The following CNTN4 variants were observed in gnomAD, a reference collection of about 807,000 sequenced individuals.
The protein encoded by CNTN4 is contactin-4.
CNTN4 carries 77 observed loss-of-function variants against 122.5 expected under a neutral mutation model. That is an observed-to-expected ratio of 0.63 (90% confidence interval 0.52 to 0.76). The LOEUF (loss-of-function observed/expected upper bound fraction) is 0.76. Ranked by LOEUF, CNTN4 falls within the 30% of genes least tolerant of loss-of-function variation. The pLI, the probability that CNTN4 is intolerant of heterozygous loss-of-function variation, is 0.00. For missense variants in CNTN4, 1,256 were observed against 1,259.1 expected, an observed-to-expected ratio of 1.00 and a Z score of 0.04; for synonymous variants, 512 against 447.0, an observed-to-expected ratio of 1.15 and a Z score of -1.83.
At chr3:2,862,258 C>A (rs2093678677) in intron 7 of CNTN4, among the ~76,000 whole-genome samples, 1 of 152,168 alleles carries the variant, frequency 6.6e-6, no homozygotes, top group South Asian at 2.1e-4. Flanking sequence ...AAAGAGCAAC[C>A]ATCCAGAGAA....
chr3:2,305,267 C>T (rs954827288), intron 2 of CNTN4, among the ~76,000 whole-genome samples: 2 of 152,076 alleles, frequency 1.3e-5, no homozygotes, highest in African/African-American at 4.8e-5. Context: ...AGAGAATGCC[C>T]TCAGTTCAAA....
rs148027302 is a variant in CNTN4, at chr3:2,657,233, C to T, written c.56-78982C>T. On this transcript the variant is annotated intron_variant, in intron 4 of 24. Coordinates refer to ENST00000418658, the MANE Select transcript of CNTN4 (RefSeq NM_175607.3). ...ACTAAATAAAAATGACCTCTAGCTT[C>T]GAGGCACTTATTGGAAACCTATTTT... is the stretch of plus-strand genomic sequence containing the variant. 2.9e-3 allele frequency among the ~76,000 whole-genome samples: 447 copies of T among 152,222 alleles called. 4 individuals are homozygous for T. Among genetic ancestry groups the T allele is most frequent in the African/African-American group, 0.01 (435 of 41,524 alleles).
chr3:2,729,889 G>A (rs2149451268), intron 4 of CNTN4, among the ~76,000 whole-genome samples: 1 of 152,308 alleles, frequency 6.6e-6, no homozygotes, highest in South Asian at 2.1e-4. Flanking sequence ...ACTCCAGCCT[G>A]AGTGACAGAG....
At chr3:2,697,227 G>C (rs1272660618) in intron 4 of CNTN4, among the ~76,000 whole-genome samples, 2 of 152,230 alleles carry the variant, frequency 1.3e-5, no homozygotes, top group Non-Finnish European at 2.9e-5. Context: ...AGAGCCTGTA[G>C]TATTGAGTAC....
intron 3 of CNTN4, among the ~76,000 whole-genome samples, chr3:2,543,808 T>C (rs1251174007): frequency 1.3e-5 from 2 of 152,116 alleles, no homozygotes; most frequent in East Asian, 1.9e-4. Flanking sequence ...TATTATACAT[T>C]GAGTATTTAA....
At chr3:3,003,970 G>A (rs1574787041) in intron 14 of CNTN4, among the ~76,000 whole-genome samples, 1 of 152,138 alleles carries the variant, frequency 6.6e-6, no homozygotes, top group South Asian at 2.1e-4. Context: ...ATATTGCCCA[G>A]GCTAGTCTAG....
intron 3 of CNTN4, among the ~76,000 whole-genome samples, chr3:2,558,640 C>T (rs1193043045): frequency 6.6e-6 from 1 of 152,108 alleles, no homozygotes; most frequent in Non-Finnish European, 1.5e-5. Context: ...GTTTTCCCAG[C>T]ATGATATTAG....
In CNTN4 at chr3:2,270,887, G is replaced by T. The variant is rs1464014605; in HGVS notation, c.-144-68291G>T. 2.6e-5 allele frequency among the ~76,000 whole-genome samples: 4 copies of T among 152,108 alleles called. 1 individual carries two copies. Among genetic ancestry groups the T allele is most frequent in the Admixed American group, 2.0e-4 (3 of 15,256 alleles). On this transcript the variant is annotated intron_variant, in intron 2 of 24. Transcript: ENST00000418658. ...ATGCAAATCAATAATCATTACCTAT[G>T]TGAAGTGTTAGTTCACAGGCGTGCA...
At chr3:2,361,997 A>G (rs929351254) in intron 3 of CNTN4, among the ~76,000 whole-genome samples, 7 of 152,214 alleles carry the variant, frequency 4.6e-5, no homozygotes, top group Non-Finnish European at 8.8e-5. Flanking sequence ...GGTCTAGGAA[A>G]AGTTCCATTT....
At chr3:2,227,895 T>C (rs2039345129) in intron 2 of CNTN4, among the ~76,000 whole-genome samples, 1 of 152,160 alleles carries the variant, frequency 6.6e-6, no homozygotes. Flanking sequence ...ATAAGCAATA[T>C]GTTTAACAAA....
At chr3:2,595,781 G>T (rs2080740315) in intron 4 of CNTN4, among the ~76,000 whole-genome samples, 1 of 152,104 alleles carries the variant, frequency 6.6e-6, no homozygotes. Context: ...TTTTGAGTCA[G>T]TCCTGCTCAT....
In CNTN4 at chr3:2,895,859, C is replaced by A. The variant is rs542848662; in HGVS notation, c.941-4826C>A. On this transcript the variant is annotated intron_variant, in intron 10 of 24. Coordinates refer to ENST00000418658, the MANE Select transcript of CNTN4 (RefSeq NM_175607.3). ...ACCATCCTGGCTAACAGGGTGAAAC[C>A]CCGTCTCTACTAAAAATACAAAAAT... is the stretch of plus-strand genomic sequence containing the variant. Among the ~76,000 whole-genome samples, 27 of 152,248 alleles carry A rather than the reference C, an allele frequency of 1.8e-4. No individual in the cohort carries two copies. In the South Asian group the frequency reaches 5.6e-3, roughly 32 times the overall value.
At chr3:2,608,399 G>T (rs1310690601) in intron 4 of CNTN4, among the ~76,000 whole-genome samples, 1 of 152,172 alleles carries the variant, frequency 6.6e-6, no homozygotes, top group African/African-American at 2.4e-5. Flanking sequence ...ATTTGAAGCT[G>T]CAGTGAACTA....
chr3:2,106,374 C>T (rs2032442423), intron 2 of CNTN4, among the ~76,000 whole-genome samples: 2 of 152,218 alleles, frequency 1.3e-5, no homozygotes, highest in African/African-American at 4.8e-5. Flanking sequence ...CCCTTCATCA[C>T]ACCTCTTGCC....
chr3:2,628,222 G>A (rs1425899859), intron 4 of CNTN4, among the ~76,000 whole-genome samples: 2 of 152,186 alleles, frequency 1.3e-5, no homozygotes, highest in Non-Finnish European at 2.9e-5. Context: ...TTTAGCAGAA[G>A]TTATTTTTTC....
At chr3:2,966,651 A>G (rs1231994604) in intron 13 of CNTN4, among the ~76,000 whole-genome samples, 1 of 152,226 alleles carries the variant, frequency 6.6e-6, no homozygotes, top group Non-Finnish European at 1.5e-5. Flanking sequence ...ATACAAAGAA[A>G]TGATAAATGA....
At chr3:2,568,145 A>G (rs2079256922) in intron 3 of CNTN4, among the ~76,000 whole-genome samples, 1 of 152,026 alleles carries the variant, frequency 6.6e-6, no homozygotes. Context: ...AGTGTTCAAA[A>G]CAAATAAATA....
chr3:2,416,960 C>G (rs766524105), intron 3 of CNTN4, among the ~76,000 whole-genome samples: 9 of 152,114 alleles, frequency 5.9e-5, no homozygotes, highest in Admixed American at 5.2e-4. Context: ...GGCCCAGTGT[C>G]GCAACTTTCT....
At chr3:2,621,120 T>C (rs2081971794) in intron 4 of CNTN4, among the ~76,000 whole-genome samples, 1 of 151,344 alleles carries the variant, frequency 6.6e-6, no homozygotes, top group African/African-American at 2.4e-5. Context: ...AATCTTGGCA[T>C]GTTCGTGGAC....
Sources: allele counts gnomAD v4.1 joint callset (sites outside exome capture counted in the v4.1 genomes callset), GRCh38; gene constraint gnomAD v4.1.1; transcripts MANE v1.5; gene names NCBI Gene and HGNC (gene_info 2026-07-23, HGNC 2026-07-21).